CCDC125: variants seen among roughly 807,000 people sequenced by gnomAD.
CCDC125 encodes coiled-coil domain-containing protein 125.
Under a neutral mutation model 57.4 loss-of-function variants are expected in CCDC125, and 43 were observed. That is an observed-to-expected ratio of 0.75 (90% CI 0.59 to 0.97). CCDC125 has a LOEUF of 0.97. CCDC125 is among the 50% of genes least tolerant of loss of function. The pLI is 0.00. For missense variants in CCDC125, 563 were observed against 595.7 expected (o/e 0.95, Z 0.57); for synonymous variants, 187 against 195.2 (o/e 0.96, Z 0.35).
rs550025075 is a variant in CCDC125 at position 69,326,130 on chromosome 5, C to T, written c.-40-5550G>A. On this transcript the variant is annotated intron_variant, in intron 1 of 11. Coordinates refer to ENST00000396496, the MANE Select transcript of CCDC125 (RefSeq NM_176816.5). ...GGGATTACAGGCATGAGCTACCACC[C>T]CTGGCCCAGAGACAGATTTTTAATC... Among the ~76,000 whole-genome samples the T allele has an allele frequency of 3.0e-3, 451 of 152,294 alleles. 2 individuals are homozygous for T. The highest frequency in any genetic ancestry group is 0.01 in the African/African-American group (429 of 41,576).
rs906746540 is a variant in CCDC125 at position 69,329,602 on chromosome 5, A to G, written c.-41+3047T>C. Among the ~76,000 whole-genome samples the G allele has an allele frequency of 6.7e-5, 10 of 148,414 alleles. No homozygotes were observed. The South Asian group carries it at 2.1e-3, about 32-fold the overall frequency. On this transcript the variant is annotated intron_variant, in intron 1 of 11. Transcript: ENST00000396496. Reference sequence around the variant, plus strand: ...CACTGCAACCTCTGCCTCCTGGGTCAAGTGATTCTCCCACCTCAGCCTCCT... The same window carrying G: ...CACTGCAACCTCTGCCTCCTGGGTCGAGTGATTCTCCCACCTCAGCCTCCT...
intron 7 of CCDC125, among the ~76,000 whole-genome samples, chr5:69,301,644 G>A (rs1756462986): frequency 6.6e-6 from 1 of 151,924 alleles, no homozygotes; most frequent in South Asian, 2.1e-4. Flanking sequence ...GCCAAGGCGG[G>A]AGAATCCTTG....
intron 2 of CCDC125, among the ~76,000 whole-genome samples, chr5:69,319,086 C>T (rs560587188): frequency 3.7e-4 from 56 of 152,168 alleles, no homozygotes; most frequent in Non-Finnish European, 6.8e-4. Context: ...TGCCACCACA[C>T]CCAGCTAATT....
Position 69,306,895 on chromosome 5 carries a change from T to C in CCDC125, c.539A>G (p.Asn180Ser). Residue 180 changes from asparagine to serine, a missense_variant, in exon 6 of 12, where the codon AAT becomes AGT. By Grantham distance (46) the Asn-to-Ser change is conservative. Transcript: ENST00000396496. The stretch of plus-strand genomic sequence containing the variant: ...AAATTCTATTTCCCACTGCAAGGCA[T>C]TTATTTCCTATGGAAAGAAAATAGT... ...EQNRSLEKEI[N>S]ALQWEIEFDH... 1 of 1,507,656 alleles carries C rather than the reference T, an allele frequency of 6.6e-7. No homozygotes were observed. The highest frequency in any genetic ancestry group is 2.4e-5 in the Admixed American group (1 of 42,034). The allele number at this position is 1,507,656 out of a possible 1,614,324, so 93.4% of individuals were successfully genotyped here. A position where few individuals can be genotyped will look rare whatever the true frequency, so the allele number is the denominator to read the frequency against.
chr5:69,293,753 C>T (rs867709837), intron 9 of CCDC125, among the ~76,000 whole-genome samples: 1 of 151,964 alleles, frequency 6.6e-6, no homozygotes, highest in South Asian at 2.1e-4. Context: ...AGGTTTGTTA[C>T]CTAGGTAAAT....
chr5:69,305,528 A>T (rs1251255878), intron 6 of CCDC125, among the ~76,000 whole-genome samples: 3 of 152,196 alleles, frequency 2.0e-5, no homozygotes, highest in African/African-American at 7.2e-5. Context: ...CCAACTTAGC[A>T]TTCCACTGAG....
chr5:69,276,774 A>T (rs1425076870), downstream of CCDC125: 3 of 1,128,750 alleles, frequency 2.7e-6, no homozygotes, highest in Non-Finnish European at 3.9e-6. Context: ...GAACAACAGC[A>T]AAGAAATGTA....
intron 1 of CCDC125, among the ~76,000 whole-genome samples, chr5:69,329,755 G>A (rs989954879): frequency 8.6e-5 from 13 of 151,952 alleles, no homozygotes; most frequent in African/African-American, 2.7e-4. Context: ...CACCTGTCTC[G>A]GCCTCCCAAA....
At chr5:69,285,560 G>T in intron 10 of CCDC125, 93 bp from the exon 11 acceptor site, 4 of 1,255,336 alleles carry the variant, frequency 3.2e-6, no homozygotes, top group Non-Finnish European at 4.4e-6. Context: ...TAGGACAAGT[G>T]AGTCCAGGAG....
chr5:69,286,392 C>T (rs1257257582), intron 10 of CCDC125, among the ~76,000 whole-genome samples: 6 of 151,014 alleles, frequency 4.0e-5, no homozygotes, highest in Non-Finnish European at 5.9e-5. Flanking sequence ...CCACCACGTC[C>T]GGCTAATTTT....
rs375326289 is a variant in CCDC125, at chr5:69,323,460, C to T, written c.-40-2880G>A. On this transcript the variant is annotated intron_variant, in intron 1 of 11. Coordinates refer to ENST00000396496, the MANE Select transcript of CCDC125 (RefSeq NM_176816.5). ...CACTGCCTATACATCACTTCATTCC[C>T]GTGGATTTAACCTCGTACTCTGAGT... is the stretch of plus-strand genomic sequence containing the variant. 2.1e-4 allele frequency among the ~76,000 whole-genome samples: 32 copies of T among 152,180 alleles called. No individual in the cohort carries two copies. The East Asian group carries it at 3.1e-3, about 15-fold the overall frequency.
intron 2 of CCDC125, among the ~76,000 whole-genome samples, chr5:69,319,595 C>T (rs1190288173): frequency 2.6e-5 from 4 of 151,346 alleles, no homozygotes; most frequent in Non-Finnish European, 4.4e-5. Flanking sequence ...CATTCTCCTG[C>T]CTCAGCCTCC....
chr5:69,295,778 A>G (rs995789689), intron 8 of CCDC125, among the ~76,000 whole-genome samples: 2 of 152,164 alleles, frequency 1.3e-5, no homozygotes, highest in Non-Finnish European at 2.9e-5. Flanking sequence ...AAACCATACC[A>G]TCAAAAGATG....
chr5:69,304,686 A>G (rs1310761221), intron 6 of CCDC125, among the ~76,000 whole-genome samples: 9 of 152,112 alleles, frequency 5.9e-5, no homozygotes, highest in Admixed American at 5.9e-4. Context: ...CGGCCTCCCA[A>G]AGTGCTGGGA....
At chr5:69,277,041 C>G, downstream of CCDC125, 5 of 1,363,440 alleles carry the variant, frequency 3.7e-6, no homozygotes, top group Non-Finnish European at 5.1e-6. Flanking sequence ...GTTAAAATTG[C>G]TATGAGAATG....
At chr5:69,295,826 C>T (rs551296111) in intron 8 of CCDC125, among the ~76,000 whole-genome samples, 1 of 152,078 alleles carries the variant, frequency 6.6e-6, no homozygotes, top group South Asian at 2.1e-4. Context: ...ATTGTCCATA[C>T]TTCCCTAAAC....
chr5:69,288,784 C>A (rs968791581), intron 10 of CCDC125, among the ~76,000 whole-genome samples: 3 of 152,150 alleles, frequency 2.0e-5, no homozygotes, highest in Non-Finnish European at 2.9e-5. Flanking sequence ...GAGCCTTTAA[C>A]TTATGGGATC....
At chr5:69,318,464 C>T (rs759734678) in intron 2 of CCDC125, among the ~76,000 whole-genome samples, 1 of 151,088 alleles carries the variant, frequency 6.6e-6, no homozygotes, top group Non-Finnish European at 1.5e-5. Flanking sequence ...AGAAAAAGGC[C>T]AGGCACGGTG....
chr5:69,313,538 T>A, intron 3 of CCDC125: 1 of 784,316 alleles, frequency 1.3e-6, no homozygotes, highest in East Asian at 2.5e-5. Context: ...ATTTTGCTCT[T>A]AAGGGGCACA....
Sources: allele counts gnomAD v4.1 joint callset (sites outside exome capture counted in the v4.1 genomes callset), GRCh38; gene constraint gnomAD v4.1.1; transcripts MANE v1.5; gene names NCBI Gene and HGNC (gene_info 2026-07-23, HGNC 2026-07-21).